DNAH9: variants seen among roughly 807,000 people sequenced by gnomAD.
DNAH9 encodes DNAH9 variant protein.
In DNAH9, 345 loss-of-function variants were observed where a neutral mutation model predicts 471.6. That is an observed-to-expected ratio of 0.73 (90% CI 0.67 to 0.80). The LOEUF is 0.80. Ranked by LOEUF, DNAH9 falls within the 30% of genes least tolerant of loss-of-function variation. DNAH9 has a pLI of 0.00. For synonymous variants in DNAH9, 2,093 were observed against 2,123.6 expected (o/e 0.99, Z 0.40); for missense variants, 5,407 against 5,609.2 (o/e 0.96, Z 1.15).
chr17:11,610,384 T>G lies in DNAH9; in HGVS notation c.615-12T>G. ...TTTGTTGTTATCATTGTTGTTGTTT[T>G]GTCTTTCACAGCTTGGATTCTATAG... On this transcript the variant is annotated splice_polypyrimidine_tract_variant and intron_variant, in intron 2 of 68. Transcript: ENST00000262442. 2 of 1,608,926 alleles carry G rather than the reference T, an allele frequency of 1.2e-6. No individual in the cohort carries two copies. The highest frequency in any genetic ancestry group is 4.5e-5 in the East Asian group (2 of 44,784).
At chr17:11,880,943 A>G (rs578078754) in intron 54 of DNAH9, among the ~76,000 whole-genome samples, 1 of 152,226 alleles carries the variant, frequency 6.6e-6, no homozygotes, top group Non-Finnish European at 1.5e-5. Context: ...AATTGTTCAT[A>G]ATGTACTAAT....
chr17:11,617,337 C>T, intron 4 of DNAH9, 74 bp from the exon 5 acceptor site: 1 of 1,043,556 alleles, frequency 9.6e-7, no homozygotes, highest in Non-Finnish European at 1.4e-6. Flanking sequence ...TCTTTTACTT[C>T]CCAGGGACTA....
chr17:11,739,555 A>C (rs2075401603), intron 29 of DNAH9, among the ~76,000 whole-genome samples: 1 of 152,160 alleles, frequency 6.6e-6, no homozygotes, highest in South Asian at 2.1e-4. Flanking sequence ...AAGTGGAATT[A>C]CTGTGTTAAT....
intron 27 of DNAH9, among the ~76,000 whole-genome samples, chr17:11,722,101 C>T (rs981870515): frequency 5.9e-5 from 9 of 152,124 alleles, no homozygotes; most frequent in Non-Finnish European, 1.2e-4. Flanking sequence ...AAAAAGGGTG[C>T]GAGGTCAGGA....
At chr17:11,834,251 C>T (rs180817902) in intron 48 of DNAH9, among the ~76,000 whole-genome samples, 153 of 147,064 alleles carry the variant, frequency 1.0e-3, no homozygotes, top group South Asian at 1.7e-3. Flanking sequence ...ATCTCTTGAA[C>T]CCAGGAGGCG....
chr17:11,841,221 G>A (rs1971019531), intron 49 of DNAH9, among the ~76,000 whole-genome samples: 1 of 152,064 alleles, frequency 6.6e-6, no homozygotes, highest in South Asian at 2.1e-4. Flanking sequence ...AAATGATCAA[G>A]GCAAGTCTCA....
intron 36 of DNAH9, among the ~76,000 whole-genome samples, chr17:11,764,826 T>G (rs917025246): frequency 6.6e-6 from 1 of 152,176 alleles, no homozygotes; most frequent in Non-Finnish European, 1.5e-5. Flanking sequence ...GAAGGTGATA[T>G]GTAGGTTTAT....
In DNAH9 at chr17:11,701,265, TC is replaced by T. The variant is rs1374974944; in HGVS notation, c.5151+22del. On this transcript the variant is annotated intron_variant, in intron 24 of 68. Transcript: ENST00000262442. ...CAGCTCAGGTATTCTCCTAATGGGA[TC>T]CCCATCCTCCATGGTTGGGGCTGTC... 2.5e-6 allele frequency: 4 copies of T among 1,612,144 alleles called. No homozygotes were observed. Among genetic ancestry groups the T allele is most frequent in the Non-Finnish European group, 2.5e-6 (3 of 1,179,528 alleles).
At chr17:11,819,881 G>A (rs1210556860) in intron 45 of DNAH9, among the ~76,000 whole-genome samples, 1 of 152,074 alleles carries the variant, frequency 6.6e-6, no homozygotes, top group Non-Finnish European at 1.5e-5. Flanking sequence ...TAGAAAATTA[G>A]GTTTTGAACA....
chr17:11,619,624 C>G lies in DNAH9; in HGVS notation c.1193C>G (p.Ser398Ter). 6.2e-7 allele frequency: 1 copy of G among 1,614,148 alleles called. No homozygotes were observed. The highest frequency in any genetic ancestry group is 8.5e-7 in the Non-Finnish European group (1 of 1,179,964). The change falls in exon 6 of 69, where the codon TCA (serine) becomes TGA (stop). Residue 398 changes from serine (S) to a stop codon, truncating the protein, a stop_gained. Transcript: ENST00000262442. LOFTEE classifies it high-confidence loss of function. The part of the protein sequence containing the change: ...EESQRKLQVV[S>*]DTLSFFKQEF... ...AGTCAGAGAAAACTGCAAGTGGTCT[C>G]AGACACTTTGAGCTTCTTCAAGCAA...
chr17:11,768,327 G>C, intron 36 of DNAH9, 126 bp from the exon 37 acceptor site: 1 of 972,732 alleles, frequency 1.0e-6, no homozygotes, highest in Non-Finnish European at 1.6e-6. Flanking sequence ...AGCTGGTCTA[G>C]CCGGCAGGCC....
chr17:11,849,950 C>A (rs994789303), intron 49 of DNAH9, among the ~76,000 whole-genome samples: 1 of 152,036 alleles, frequency 6.6e-6, no homozygotes, highest in African/African-American at 2.4e-5. Context: ...GAGTGCTCTT[C>A]CTATGCCAGG....
intron 36 of DNAH9, among the ~76,000 whole-genome samples, chr17:11,764,614 T>C (rs557051854): frequency 6.6e-6 from 1 of 152,302 alleles, no homozygotes; most frequent in South Asian, 2.1e-4. Context: ...AGTGATATCA[T>C]GTCAGATTTG....
chr17:11,922,334 G>A (rs537772202), intron 61 of DNAH9, among the ~76,000 whole-genome samples: 2 of 151,596 alleles, frequency 1.3e-5, no homozygotes, highest in South Asian at 2.1e-4. Context: ...TTTCTTTTTC[G>A]ATTTCTCCCC....
At chr17:11,940,557 A>G (rs1408233836) in intron 66 of DNAH9, among the ~76,000 whole-genome samples, 2 of 152,212 alleles carry the variant, frequency 1.3e-5, no homozygotes, top group East Asian at 3.8e-4. Flanking sequence ...TTGCTATGAC[A>G]GCACCAAAGA....
intron 68 of DNAH9, among the ~76,000 whole-genome samples, chr17:11,966,326 A>G (rs1463227807): frequency 6.6e-6 from 1 of 152,268 alleles, no homozygotes; most frequent in Non-Finnish European, 1.5e-5. Flanking sequence ...TGCTGAAAGA[A>G]AAAGACTATC....
chr17:11,713,969 A>G (rs917116962), intron 26 of DNAH9, among the ~76,000 whole-genome samples: 2 of 152,234 alleles, frequency 1.3e-5, no homozygotes, highest in African/African-American at 4.8e-5. Flanking sequence ...ATTTTGAGAA[A>G]GACATTTACC....
Position 11,688,082 on chromosome 17 carries a change from C to CAAAAAAAAA in DNAH9, c.3744-1474_3744-1466dup, listed in dbSNP as rs145792851. On this transcript the variant is annotated intron_variant, in intron 19 of 68. Coordinates refer to ENST00000262442, the MANE Select transcript of DNAH9 (RefSeq NM_001372.4). ...CCGGGAGGCGGAGATTGCAGTAAGCCAAAAAAAAAAAAAAAAAAGAAAAAG... is the reference window on the plus strand; with the variant it reads ...CCGGGAGGCGGAGATTGCAGTAAGCCAAAAAAAAAAAAAAAAAAAAAAAAAAAGAAAAAG... Among the ~76,000 whole-genome samples the CAAAAAAAAA allele has an allele frequency of 2.3e-4, 14 of 59,672 alleles. 3 individuals are homozygous for CAAAAAAAAA. Among genetic ancestry groups the CAAAAAAAAA allele is most frequent in the South Asian group, 7.1e-4 (1 of 1,402 alleles). 39.1% of individuals were successfully genotyped at this position (59,672 alleles called of 152,430 possible).
At position 11,937,766 on chromosome 17, in the gene DNAH9, C is replaced by T. The variant is rs1030365567; in HGVS notation, c.12660+244C>T. On this transcript the variant is annotated intron_variant, in intron 66 of 68. Transcript: ENST00000262442. The surrounding 1 kb of genome is among the most constrained non-coding windows in gnomAD (Gnocchi z 4.1). ...CATTGGGTTCAGCAGTTTTCTTTGC[C>T]AGTCCACCCAAAGTCCATTTTTATT... Among the ~76,000 whole-genome samples the T allele has an allele frequency of 6.6e-6, 1 of 152,160 alleles. No homozygotes were observed. Among genetic ancestry groups the T allele is most frequent in the Non-Finnish European group, 1.5e-5 (1 of 68,026 alleles).
Sources: gnomAD v4.1 joint callset for allele counts (sites outside exome capture counted in the v4.1 genomes callset) on GRCh38, gnomAD v4.1.1 for gene constraint, Gnocchi (gnomAD v3.1) non-coding constraint, MANE v1.5 for transcripts, NCBI Gene and HGNC (gene_info 2026-07-23, HGNC 2026-07-21) for gene names.